BLTP3B: variants seen among roughly 807,000 people sequenced by gnomAD.
BLTP3B encodes the protein UHRF1 (ICBP90) binding protein 1-like.
the BLTP3B span, among the ~76,000 whole-genome samples, chr12:100,111,136 T>C: frequency 6.6e-6 from 1 of 152,164 alleles, no homozygotes; most frequent in Non-Finnish European, 1.5e-5. Flanking sequence ...TCAAGTAATA[T>C]ATGTTGCCAG....
chr12:100,037,547 A>T, the BLTP3B span: 3 of 1,548,834 alleles, frequency 1.9e-6, no homozygotes, highest in East Asian at 4.7e-5. Context: ...TCATGAAAAT[A>T]AAAGTCTTCC....
the BLTP3B span, among the ~76,000 whole-genome samples, chr12:100,140,724 AAAAAAATATATAT>A: frequency 4.5e-5 from 5 of 111,990 alleles, no homozygotes; most frequent in Non-Finnish European, 9.1e-5. Flanking sequence ...AAAAAAAAAA[AAAAAAATATATAT>A]ATATATATAT....
chr12:100,092,356 G>T, the BLTP3B span, among the ~76,000 whole-genome samples: 1 of 152,160 alleles, frequency 6.6e-6, no homozygotes, highest in African/African-American at 2.4e-5. Flanking sequence ...TGTGGTAATG[G>T]TTAAGTATAT....
chr12:100,051,596 A>G, the BLTP3B span: 1 of 160,460 alleles, frequency 6.2e-6, no homozygotes, highest in African/African-American at 2.4e-5. Context: ...CTTCTAACAT[A>G]GTGCTTGGCA....
chr12:100,129,649 G>T, the BLTP3B span, among the ~76,000 whole-genome samples: 16 of 152,200 alleles, frequency 1.1e-4, no homozygotes, highest in South Asian at 3.3e-3. Context: ...AAATGGAGGA[G>T]GCCAATGATT....
the BLTP3B span, chr12:100,058,795 G>C: frequency 8.7e-6 from 14 of 1,613,862 alleles, no homozygotes; most frequent in Admixed American, 2.3e-4. Flanking sequence ...TGCAGGAAAA[G>C]TAGAAGCAGA....
chr12:100,082,306 C>T, the BLTP3B span, among the ~76,000 whole-genome samples: 1 of 152,164 alleles, frequency 6.6e-6, no homozygotes, highest in Non-Finnish European at 1.5e-5. Context: ...GATATTAAGA[C>T]CTTTGTCAGA....
the BLTP3B span, among the ~76,000 whole-genome samples, chr12:100,057,194 C>G: frequency 6.6e-6 from 1 of 152,136 alleles, no homozygotes; most frequent in African/African-American, 2.4e-5. Flanking sequence ...TTAATGTCGC[C>G]TGCTTTATGG....
chr12:100,048,446 C>T, the BLTP3B span, among the ~76,000 whole-genome samples: 1 of 152,006 alleles, frequency 6.6e-6, no homozygotes, highest in East Asian at 1.9e-4. Flanking sequence ...TATGATAGAA[C>T]TAAGGTGTGA....
At chr12:100,103,143 A>C in the BLTP3B span, among the ~76,000 whole-genome samples, 2 of 152,168 alleles carry the variant, frequency 1.3e-5, no homozygotes, top group Admixed American at 6.5e-5. Flanking sequence ...TAAAATCATC[A>C]GATTTCATGA....
At chr12:100,047,508 A>G in the BLTP3B span, 3 of 1,553,796 alleles carry the variant, frequency 1.9e-6, no homozygotes, top group Non-Finnish European at 2.7e-6. Context: ...TCATAAATAA[A>G]CAAATAGTTT....
chr12:100,130,691 G>A, the BLTP3B span, among the ~76,000 whole-genome samples: 7 of 152,032 alleles, frequency 4.6e-5, no homozygotes, highest in Admixed American at 2.6e-4. Context: ...CAAGGCAGGC[G>A]GATCACCTGA....
chr12:100,135,288 T>C, the BLTP3B span, among the ~76,000 whole-genome samples: 7 of 151,506 alleles, frequency 4.6e-5, no homozygotes, highest in South Asian at 1.2e-3. Context: ...TTTCTTTTTT[T>C]TTTGAGACAG....
chr12:100,064,481 T>G, the BLTP3B span, among the ~76,000 whole-genome samples: 1 of 152,132 alleles, frequency 6.6e-6, no homozygotes, highest in African/African-American at 2.4e-5. Flanking sequence ...CTAGGCTCAT[T>G]GTCATCAGGT....
At chr12:100,040,064 G>A in the BLTP3B span, among the ~76,000 whole-genome samples, 424 of 151,948 alleles carry the variant, frequency 2.8e-3, 1 homozygote, top group African/African-American at 9.7e-3. Context: ...AGGTTTATTC[G>A]ATTTAATAGA....
At chr12:100,037,759 A>G in the BLTP3B span, 1 of 1,589,424 alleles carries the variant, frequency 6.3e-7, no homozygotes, top group Non-Finnish European at 8.5e-7. Flanking sequence ...CCATGAGCTG[A>G]AATGATAAAT....
At chr12:100,124,961 T>TATATATAA in the BLTP3B span, among the ~76,000 whole-genome samples, 1 of 116,026 alleles carries the variant, frequency 8.6e-6, no homozygotes, top group East Asian at 3.3e-4. Flanking sequence ...TATATATATA[T>TATATATAA]ATATATATAT....
chr12:100,138,086 ATGTC>A, the BLTP3B span, among the ~76,000 whole-genome samples: 8 of 152,324 alleles, frequency 5.3e-5, no homozygotes, highest in Middle Eastern at 3.4e-3. Flanking sequence ...ACATTTGGCA[ATGTC>A]TGGAGACATT....
the BLTP3B span, chr12:100,059,337 C>G: frequency 1.2e-6 from 2 of 1,613,962 alleles, no homozygotes; most frequent in Non-Finnish European, 1.7e-6. Flanking sequence ...AAAATTGTCA[C>G]AAGATTTGGG....
Sources: allele counts gnomAD v4.1 joint callset (sites outside exome capture counted in the v4.1 genomes callset), GRCh38; gene constraint gnomAD v4.1.1; transcripts MANE v1.5; gene names NCBI Gene and HGNC (gene_info 2026-07-23, HGNC 2026-07-21).